The following HEMK2 variants were observed in gnomAD, a reference collection of about 807,000 sequenced individuals.
HEMK2 encodes the protein HemK methyltransferase 2, ETF1 glutamine and histone H4 lysine.
chr21:28,877,038 GGGAGGGAGGGAGGGAGGGAGGGAA>G, the HEMK2 span, among the ~76,000 whole-genome samples: 1 of 20,994 alleles, frequency 4.8e-5, no homozygotes, highest in Non-Finnish European at 9.9e-5. Context: ...GAAGGAAGGA[GGGAGGGAGGGAGGGAGGGAGGGAA>G]GGAGGGAGGG....
At chr21:28,750,924 A>C in the HEMK2 span, among the ~76,000 whole-genome samples, 1 of 152,142 alleles carries the variant, frequency 6.6e-6, no homozygotes, top group Non-Finnish European at 1.5e-5. Context: ...TAGAAACTTC[A>C]GAGAGCATTA....
the HEMK2 span, among the ~76,000 whole-genome samples, chr21:28,722,930 T>A: frequency 6.6e-6 from 1 of 151,816 alleles, no homozygotes; most frequent in African/African-American, 2.4e-5. Flanking sequence ...AGAAAGGCCA[T>A]GAGAGGAGCC....
At chr21:28,764,546 G>A in the HEMK2 span, among the ~76,000 whole-genome samples, 63,857 of 151,880 alleles carry the variant, frequency 0.42, 14,429 homozygotes, top group African/African-American at 0.57. Context: ...TACACAGAGA[G>A]CACAAACGTC....
the HEMK2 span, among the ~76,000 whole-genome samples, chr21:28,833,601 C>G: frequency 6.6e-6 from 1 of 152,088 alleles, no homozygotes; most frequent in Non-Finnish European, 1.5e-5. Context: ...TTGGCTCTAC[C>G]ATTTTGAAAT....
chr21:28,872,666 C>A, the HEMK2 span: 1 of 152,214 alleles, frequency 6.6e-6, no homozygotes, highest in Non-Finnish European at 1.5e-5. Context: ...GCTGGAGACC[C>A]AGGAAGGCCT....
chr21:28,681,791 G>A, the HEMK2 span, among the ~76,000 whole-genome samples: 1 of 151,984 alleles, frequency 6.6e-6, no homozygotes, highest in Non-Finnish European at 1.5e-5. Context: ...ACAAAAACAA[G>A]CAATGGGGAA....
chr21:28,877,301 A>AAGGAAGGGAGG, the HEMK2 span, among the ~76,000 whole-genome samples: 1 of 55,082 alleles, frequency 1.8e-5, no homozygotes, highest in African/African-American at 4.6e-5. Context: ...AGGAAGGAAG[A>AAGGAAGGGAGG]GAGAGAGAAA....
the HEMK2 span, among the ~76,000 whole-genome samples, chr21:28,664,474 T>G: frequency 6.6e-6 from 1 of 152,162 alleles, no homozygotes; most frequent in Non-Finnish European, 1.5e-5. Context: ...TTCTCTACCT[T>G]CACCCAACTC....
the HEMK2 span, among the ~76,000 whole-genome samples, chr21:28,809,242 A>G: frequency 6.6e-6 from 1 of 152,184 alleles, no homozygotes; most frequent in East Asian, 1.9e-4. Context: ...GCATAAAGTA[A>G]GCAAAGGTAG....
chr21:28,645,321 G>T, the HEMK2 span, among the ~76,000 whole-genome samples: 3 of 152,170 alleles, frequency 2.0e-5, no homozygotes, highest in African/African-American at 7.2e-5. Flanking sequence ...TCTAATAAAT[G>T]CCTTCTACTC....
At chr21:28,658,535 G>C in the HEMK2 span, among the ~76,000 whole-genome samples, 3 of 152,034 alleles carry the variant, frequency 2.0e-5, no homozygotes, top group African/African-American at 7.2e-5. Context: ...GAAGACCTTT[G>C]TTCTGCCTGC....
At chr21:28,643,964 G>A in the HEMK2 span, among the ~76,000 whole-genome samples, 6 of 152,312 alleles carry the variant, frequency 3.9e-5, no homozygotes, top group African/African-American at 1.4e-4. Context: ...ATGAAGAACT[G>A]CATGTGAGAA....
the HEMK2 span, among the ~76,000 whole-genome samples, chr21:28,601,554 T>C: frequency 6.6e-6 from 1 of 151,612 alleles, no homozygotes; most frequent in Non-Finnish European, 1.5e-5. Flanking sequence ...AATTCCTATC[T>C]CCTCCCTTGG....
At chr21:28,662,850 G>T in the HEMK2 span, among the ~76,000 whole-genome samples, 1 of 151,996 alleles carries the variant, frequency 6.6e-6, no homozygotes, top group Non-Finnish European at 1.5e-5. Context: ...CCAGTCTCAG[G>T]TATGTCTTTA....
At chr21:28,836,739 A>C in the HEMK2 span, among the ~76,000 whole-genome samples, 1 of 152,186 alleles carries the variant, frequency 6.6e-6, no homozygotes, top group Non-Finnish European at 1.5e-5. Flanking sequence ...GAACTCACCA[A>C]CCAACCATCT....
At chr21:28,863,416 A>G in the HEMK2 span, among the ~76,000 whole-genome samples, 1 of 8,180 alleles carries the variant, frequency 1.2e-4, no homozygotes. Flanking sequence ...CCTTTTATAT[A>G]TATATATATA....
At chr21:28,726,368 G>C in the HEMK2 span, among the ~76,000 whole-genome samples, 2 of 151,912 alleles carry the variant, frequency 1.3e-5, no homozygotes, top group East Asian at 3.9e-4. Flanking sequence ...AATGAAATGG[G>C]CGGGACTGGT....
chr21:28,635,170 C>T, the HEMK2 span, among the ~76,000 whole-genome samples: 6 of 150,208 alleles, frequency 4.0e-5, no homozygotes, highest in Non-Finnish European at 8.8e-5. Context: ...AGTGCCATCT[C>T]GGCTCACTGC....
At chr21:28,730,294 T>C in the HEMK2 span, among the ~76,000 whole-genome samples, 4 of 151,610 alleles carry the variant, frequency 2.6e-5, no homozygotes, top group African/African-American at 9.7e-5. Flanking sequence ...GGTAGCAGGA[T>C]CGCTTGAGCC....
Sources: allele counts gnomAD v4.1 joint callset (sites outside exome capture counted in the v4.1 genomes callset), GRCh38; gene constraint gnomAD v4.1.1; transcripts MANE v1.5; gene names NCBI Gene and HGNC (gene_info 2026-07-23, HGNC 2026-07-21).